The following ZBTB7C variants were observed in gnomAD, a reference collection of about 807,000 sequenced individuals.
The protein encoded by ZBTB7C is zinc finger and BTB domain-containing protein 7C.
ZBTB7C carries 8 observed loss-of-function variants against 25.7 expected under a neutral mutation model. The observed-to-expected ratio is 0.31, with a 90% CI of 0.18 to 0.56. The LOEUF is 0.56. Ranked by LOEUF, ZBTB7C falls within the 20% of genes least tolerant of loss-of-function variation. The pLI is 0.91. For synonymous variants in ZBTB7C, 394 were observed against 369.0 expected (o/e 1.07, Z -0.78); for missense variants, 824 against 855.2 (o/e 0.96, Z 0.46).
At chr18:48,408,187 G>A (rs1280723802) in intron 1 of ZBTB7C, among the ~76,000 whole-genome samples, 1 of 152,212 alleles carries the variant, frequency 6.6e-6, no homozygotes, top group African/African-American at 2.4e-5. Context: ...GGAAGGTTGG[G>A]TACCAGCCTC....
chr18:48,253,821 G>T (rs1280610439), intron 2 of ZBTB7C, among the ~76,000 whole-genome samples: 1 of 152,196 alleles, frequency 6.6e-6, no homozygotes, highest in Non-Finnish European at 1.5e-5. Flanking sequence ...TAGAAATACA[G>T]TTATAATTAA....
intron 2 of ZBTB7C, among the ~76,000 whole-genome samples, chr18:48,297,052 T>C (rs1291824885): frequency 6.6e-6 from 1 of 152,164 alleles, no homozygotes; most frequent in Non-Finnish European, 1.5e-5. Flanking sequence ...CCACCCCGTC[T>C]GTGGAAAATT....
chr18:48,172,466 G>A (rs2041516715), intron 3 of ZBTB7C, among the ~76,000 whole-genome samples: 2 of 152,190 alleles, frequency 1.3e-5, no homozygotes, highest in South Asian at 4.1e-4. Context: ...CGGAGTCTGT[G>A]TGCCCTGTCT....
chr18:48,217,001 G>A (rs1285260835), intron 2 of ZBTB7C, among the ~76,000 whole-genome samples: 1 of 152,206 alleles, frequency 6.6e-6, no homozygotes, highest in East Asian at 1.9e-4. Flanking sequence ...GGAAGGCCGT[G>A]TGATGGGAAG....
chr18:48,212,234 G>A (rs2042719056), intron 2 of ZBTB7C, among the ~76,000 whole-genome samples: 1 of 152,082 alleles, frequency 6.6e-6, no homozygotes, highest in Non-Finnish European at 1.5e-5. Context: ...AGTCAGTCTG[G>A]AAAAGGTTAC....
At chr18:48,213,676 C>A (rs1399834692) in intron 2 of ZBTB7C, among the ~76,000 whole-genome samples, 1 of 152,202 alleles carries the variant, frequency 6.6e-6, no homozygotes. Flanking sequence ...ACAGCATGTG[C>A]TTTATCCAAA....
chr18:48,297,314 A>T (rs185493681), intron 2 of ZBTB7C, among the ~76,000 whole-genome samples: 1 of 152,278 alleles, frequency 6.6e-6, no homozygotes, highest in African/African-American at 2.4e-5. Flanking sequence ...GCATCGTCAT[A>T]TCTTAGTAGT....
intron 2 of ZBTB7C, among the ~76,000 whole-genome samples, chr18:48,276,076 G>A (rs751126853): frequency 2.4e-4 from 36 of 152,220 alleles, no homozygotes; most frequent in Non-Finnish European, 4.0e-4. Flanking sequence ...GGCAGCAACC[G>A]CGATGGGGTA....
intron 1 of ZBTB7C, among the ~76,000 whole-genome samples, chr18:48,376,380 A>G (rs1293598768): frequency 2.6e-5 from 4 of 151,400 alleles, no homozygotes; most frequent in Admixed American, 2.6e-4. Flanking sequence ...GATGCCCTCT[A>G]AGAAGCAGAT....
At chr18:48,086,287 T>C (rs956079682) in intron 3 of ZBTB7C, among the ~76,000 whole-genome samples, 1 of 152,184 alleles carries the variant, frequency 6.6e-6, no homozygotes, top group Non-Finnish European at 1.5e-5. Context: ...GTAGATACTA[T>C]TATTATCATC....
intron 3 of ZBTB7C, among the ~76,000 whole-genome samples, chr18:48,177,250 GC>G (rs930943180): frequency 3.3e-5 from 5 of 152,124 alleles, no homozygotes; most frequent in Non-Finnish European, 7.4e-5. Flanking sequence ...TCACCCTCAG[GC>G]CTCAGCTTCT....
chr18:48,126,375 C>A (rs1349773266), intron 3 of ZBTB7C, among the ~76,000 whole-genome samples: 2 of 152,134 alleles, frequency 1.3e-5, no homozygotes, highest in Non-Finnish European at 2.9e-5. Context: ...CCCTGGGCAC[C>A]ACTCTCCTCT....
chr18:48,358,882 T>G (rs1446310141), intron 1 of ZBTB7C, among the ~76,000 whole-genome samples: 1 of 152,138 alleles, frequency 6.6e-6, no homozygotes, highest in Non-Finnish European at 1.5e-5. Flanking sequence ...ATAAAGCTAT[T>G]AAAAACTAGT....
chr18:48,359,895 C>G (rs1054915324), intron 1 of ZBTB7C, among the ~76,000 whole-genome samples: 2 of 152,164 alleles, frequency 1.3e-5, no homozygotes, highest in Non-Finnish European at 2.9e-5. Flanking sequence ...AGATTTTTGA[C>G]TCGGGAAAAG....
chr18:48,229,758 G>C (rs1013864307), intron 2 of ZBTB7C, among the ~76,000 whole-genome samples: 1 of 152,210 alleles, frequency 6.6e-6, no homozygotes, highest in African/African-American at 2.4e-5. Context: ...GCCCGAGGAA[G>C]ACGTGGGGGA....
At chr18:48,334,337 G>C (rs1420592030) in intron 2 of ZBTB7C, among the ~76,000 whole-genome samples, 3 of 152,132 alleles carry the variant, frequency 2.0e-5, no homozygotes. Context: ...CACCCCGGGG[G>C]ATAGAGCACC....
At chr18:48,085,926 C>T (rs56737202) in intron 3 of ZBTB7C, among the ~76,000 whole-genome samples, 7,110 of 152,242 alleles carry the variant, frequency 0.047, 549 homozygotes, top group African/African-American at 0.16. Flanking sequence ...AGGATCCCTG[C>T]CTGACCATGC....
intron 2 of ZBTB7C, among the ~76,000 whole-genome samples, chr18:48,324,105 T>C (rs2046160868): frequency 6.6e-6 from 1 of 152,210 alleles, no homozygotes; most frequent in South Asian, 2.1e-4. Context: ...ACCTTGATCT[T>C]GGACCTCCCA....
chr18:48,362,501 C>A (rs186529773), intron 1 of ZBTB7C, among the ~76,000 whole-genome samples: 1 of 152,238 alleles, frequency 6.6e-6, no homozygotes, highest in East Asian at 1.9e-4. Context: ...AGGTGCCATT[C>A]TCTGAACCAA....
Sources: gnomAD v4.1 joint callset for allele counts (sites outside exome capture counted in the v4.1 genomes callset) on GRCh38, gnomAD v4.1.1 for gene constraint, MANE v1.5 for transcripts, NCBI Gene and HGNC (gene_info 2026-07-23, HGNC 2026-07-21) for gene names.